KCNJ3: variants seen among roughly 807,000 people sequenced by gnomAD.
KCNJ3 encodes the protein potassium inwardly rectifying channel subfamily J member 3.
KCNJ3 carries 4 observed loss-of-function variants against 39.2 expected under a neutral mutation model. That is an observed-to-expected ratio of 0.10 (90% CI 0.05 to 0.23). The LOEUF is 0.23. Among genes scored for constraint, KCNJ3 ranks in the 10% least tolerant of loss-of-function variants. KCNJ3 has a pLI of 1.00. For missense variants in KCNJ3, 276 were observed against 634.9 expected (o/e 0.43, Z 6.08); for synonymous variants, 230 against 237.4 (o/e 0.97, Z 0.29).
intron 2 of KCNJ3, among the ~76,000 whole-genome samples, chr2:154,798,619 T>C (rs1218357582): frequency 6.6e-6 from 1 of 152,160 alleles, no homozygotes; most frequent in Non-Finnish European, 1.5e-5. Flanking sequence ...TCTGTGAATA[T>C]TGAAACCTGA....
intron 2 of KCNJ3, among the ~76,000 whole-genome samples, chr2:154,777,164 A>C (rs1196739027): frequency 6.6e-6 from 1 of 152,210 alleles, no homozygotes; most frequent in African/African-American, 2.4e-5. Context: ...ATGCACATAC[A>C]TGAAAACATT....
chr2:154,835,510 T>A lies in KCNJ3; in HGVS notation c.920-19217T>A, dbSNP rs529994716. On this transcript the variant is annotated intron_variant, in intron 2 of 2. Transcript: ENST00000295101. ...TCATGAATATGAATATATATCAAAA[T>A]ATATATATATGAATATATATTTTCT... 1.2e-4 allele frequency among the ~76,000 whole-genome samples: 16 copies of A among 134,580 alleles called. No individual in the cohort carries two copies. The East Asian group carries it at 1.4e-3, about 12-fold the overall frequency. 88.3% of individuals were successfully genotyped at this position (134,580 alleles called of 152,430 possible).
intron 2 of KCNJ3, among the ~76,000 whole-genome samples, chr2:154,770,197 T>G (rs1348368304): frequency 1.3e-5 from 2 of 152,210 alleles, no homozygotes; most frequent in African/African-American, 4.8e-5. Context: ...CTTTGCTTCA[T>G]TACACCTTCT....
At chr2:154,783,093 G>C (rs1307865220) in intron 2 of KCNJ3, among the ~76,000 whole-genome samples, 1 of 152,074 alleles carries the variant, frequency 6.6e-6, no homozygotes, top group Non-Finnish European at 1.5e-5. Context: ...CAGGAGAATA[G>C]CTTGAACCCG....
intron 2 of KCNJ3, among the ~76,000 whole-genome samples, chr2:154,775,128 G>A (rs542204187): frequency 6.6e-6 from 1 of 152,098 alleles, no homozygotes; most frequent in African/African-American, 2.4e-5. Flanking sequence ...TATTGCCCAG[G>A]CTGGTCTCAA....
At chr2:154,713,324 T>G (rs190409594) in intron 2 of KCNJ3, among the ~76,000 whole-genome samples, 2 of 152,170 alleles carry the variant, frequency 1.3e-5, no homozygotes, top group Admixed American at 1.3e-4. Context: ...GCACAAAATT[T>G]TAGACAGCTA....
At chr2:154,804,626 G>A (rs1269596909) in intron 2 of KCNJ3, among the ~76,000 whole-genome samples, 1 of 152,080 alleles carries the variant, frequency 6.6e-6, no homozygotes, top group African/African-American at 2.4e-5. Context: ...TCAAGTACTA[G>A]GCAAGGTGCT....
At chr2:154,750,097 G>A (rs146537323) in intron 2 of KCNJ3, among the ~76,000 whole-genome samples, 2 of 151,932 alleles carry the variant, frequency 1.3e-5, no homozygotes, top group African/African-American at 4.8e-5. Flanking sequence ...TTAAGGTGTT[G>A]CATTTCCAGA....
chr2:154,713,132 G>T (rs1016246336), intron 2 of KCNJ3, among the ~76,000 whole-genome samples: 2 of 151,792 alleles, frequency 1.3e-5, no homozygotes, highest in Non-Finnish European at 2.9e-5. Flanking sequence ...GAAGTGTTAG[G>T]ATTTCATTAA....
chr2:154,821,951 A>ATT (rs1191065948), intron 2 of KCNJ3, among the ~76,000 whole-genome samples: 1 of 148,106 alleles, frequency 6.8e-6, no homozygotes, highest in Non-Finnish European at 1.5e-5. Flanking sequence ...TGAATATGTG[A>ATT]TTTTTTTTTT....
chr2:154,705,845 G>A (rs936970226), intron 1 of KCNJ3, among the ~76,000 whole-genome samples: 5 of 151,822 alleles, frequency 3.3e-5, no homozygotes, highest in African/African-American at 1.2e-4. Flanking sequence ...AGAATTTTTT[G>A]TAATGCAATC....
intron 2 of KCNJ3, among the ~76,000 whole-genome samples, chr2:154,722,350 T>G (rs1282471861): frequency 6.6e-6 from 1 of 152,084 alleles, no homozygotes; most frequent in Non-Finnish European, 1.5e-5. Flanking sequence ...AATTGGGAAA[T>G]GTGCCATGCT....
chr2:154,853,133 G>A (rs547296267), intron 2 of KCNJ3, among the ~76,000 whole-genome samples: 14 of 149,822 alleles, frequency 9.3e-5, no homozygotes, highest in Non-Finnish European at 1.8e-4. Context: ...ACCATATTGA[G>A]GATTAGAATG....
At chr2:154,751,087 T>C (rs1685837054) in intron 2 of KCNJ3, among the ~76,000 whole-genome samples, 1 of 151,826 alleles carries the variant, frequency 6.6e-6, no homozygotes, top group Non-Finnish European at 1.5e-5. Flanking sequence ...ATCTCACAAA[T>C]TACCCCTAAA....
At chr2:154,710,102 A>C (rs1157882632) in intron 2 of KCNJ3, among the ~76,000 whole-genome samples, 2 of 152,172 alleles carry the variant, frequency 1.3e-5, no homozygotes, top group African/African-American at 4.8e-5. Context: ...ATAATTACAA[A>C]CTTGACTTTC....
At chr2:154,709,057 G>A (rs1685059794) in intron 1 of KCNJ3, among the ~76,000 whole-genome samples, 1 of 152,104 alleles carries the variant, frequency 6.6e-6, no homozygotes, top group African/African-American at 2.4e-5. Context: ...CTTAATATGG[G>A]AACATCTTCA....
At position 154,806,422 on chromosome 2, in the gene KCNJ3, A is replaced by G. The variant is rs554144380; in HGVS notation, c.920-48305A>G. ...AGAACTTTTTGAGCAAGGATCAAAC[A>G]TTATGCCAAATGGCAAACAAGCAGA... On this transcript the variant is annotated intron_variant, in intron 2 of 2. Coordinates refer to ENST00000295101, the MANE Select transcript of KCNJ3 (RefSeq NM_002239.4). Among the ~76,000 whole-genome samples the G allele has an allele frequency of 8.5e-5, 13 of 152,308 alleles. No individual in the cohort carries two copies. In the East Asian group the frequency reaches 1.2e-3, roughly 14 times the overall value.
At chr2:154,794,596 CTG>C (rs1211895418) in intron 2 of KCNJ3, among the ~76,000 whole-genome samples, 9 of 151,962 alleles carry the variant, frequency 5.9e-5, no homozygotes, top group Admixed American at 6.6e-5. Context: ...CAGAAAAATT[CTG>C]TCTTTTCATT....
chr2:154,701,917 T>C (rs1684905000), intron 1 of KCNJ3, among the ~76,000 whole-genome samples: 1 of 152,028 alleles, frequency 6.6e-6, no homozygotes, highest in Admixed American at 6.5e-5. Context: ...GTAATTTAAA[T>C]GAATTGCTGT....
Sources: allele counts gnomAD v4.1 joint callset (sites outside exome capture counted in the v4.1 genomes callset), GRCh38; gene constraint gnomAD v4.1.1; transcripts MANE v1.5; gene names NCBI Gene and HGNC (gene_info 2026-07-23, HGNC 2026-07-21).